The following SAMD12 variants were observed in gnomAD, a reference collection of about 807,000 sequenced individuals.
SAMD12 encodes sterile alpha motif domain-containing protein 12.
SAMD12 carries 9 observed loss-of-function variants against 15.0 expected under a neutral mutation model. That is an observed-to-expected ratio of 0.60 (90% CI 0.36 to 1.05). SAMD12 has a LOEUF of 1.05. SAMD12 is among the 50% of genes least tolerant of loss of function. The pLI, the probability that SAMD12 is intolerant of heterozygous loss-of-function variation, is 0.01. For synonymous variants in SAMD12, 86 were observed against 90.1 expected (o/e 0.96, Z 0.25); for missense variants, 230 against 234.2 (o/e 0.98, Z 0.12).
chr8:118,163,824 G>C, the SAMD12 span, among the ~76,000 whole-genome samples: 5 of 152,090 alleles, frequency 3.3e-5, no homozygotes, highest in Non-Finnish European at 7.3e-5. Flanking sequence ...GCAGTGAGCC[G>C]AGATCGCGCC....
intron 4 of SAMD12, among the ~76,000 whole-genome samples, chr8:118,318,349 T>TTGGGC (rs1816049486): frequency 1.2e-5 from 1 of 85,136 alleles, no homozygotes; most frequent in East Asian, 2.8e-4. Context: ...TATATATATA[T>TTGGGC]ATATATACAT....
chr8:118,410,773 CCTTA>C (rs999794636), intron 3 of SAMD12, among the ~76,000 whole-genome samples: 1 of 152,130 alleles, frequency 6.6e-6, no homozygotes, highest in African/African-American at 2.4e-5. Flanking sequence ...ATCTGAAGTT[CCTTA>C]CTGATAAAAA....
intron 2 of SAMD12, among the ~76,000 whole-genome samples, chr8:118,475,089 A>G (rs879659873): frequency 6.6e-6 from 1 of 152,144 alleles, no homozygotes; most frequent in East Asian, 1.9e-4. Context: ...AATACAAAAA[A>G]TTAGCCGGGC....
In SAMD12 at chr8:118,318,241, A is replaced by C. The variant is rs948853831; in HGVS notation, c.433+61319T>G. ...TATTATATGAAAAAGACACGTGCAC[A>C]CATATGTTTATTGCAGCTCAATTCA... On this transcript the variant is annotated intron_variant, in intron 4 of 4. Coordinates refer to the SAMD12 transcript ENST00000409003. 1.3e-5 allele frequency among the ~76,000 whole-genome samples: 2 copies of C among 150,632 alleles called. 1 individual carries two copies. Among genetic ancestry groups the C allele is most frequent in the South Asian group, 4.2e-4 (2 of 4,778 alleles).
chr8:118,309,590 T>A (rs574386256), intron 4 of SAMD12, among the ~76,000 whole-genome samples: 46 of 152,300 alleles, frequency 3.0e-4, no homozygotes, highest in African/African-American at 1.1e-3. Context: ...AAATGGTAGA[T>A]CTGCTTTTAG....
the SAMD12 span, among the ~76,000 whole-genome samples, chr8:118,132,686 G>A: frequency 6.6e-6 from 1 of 152,176 alleles, no homozygotes; most frequent in Middle Eastern, 3.4e-3. Context: ...AACACCTGCT[G>A]CATCCAACAG....
intron 3 of SAMD12, among the ~76,000 whole-genome samples, chr8:118,432,715 G>C (rs1228544320): frequency 2.0e-5 from 3 of 152,152 alleles, no homozygotes; most frequent in Non-Finnish European, 2.9e-5. Flanking sequence ...AAGGAAAACT[G>C]GAATTATTCA....
At chr8:118,239,157 G>A (rs1812507882) in intron 4 of SAMD12, among the ~76,000 whole-genome samples, 2 of 152,054 alleles carry the variant, frequency 1.3e-5, no homozygotes, top group Non-Finnish European at 2.9e-5. Flanking sequence ...AATGGGAATG[G>A]TATGGTGATG....
chr8:118,269,422 T>C (rs1402937886), intron 4 of SAMD12, among the ~76,000 whole-genome samples: 1 of 152,194 alleles, frequency 6.6e-6, no homozygotes, highest in African/African-American at 2.4e-5. Flanking sequence ...TTGTAACTTA[T>C]ATGTGAAGAA....
At chr8:118,598,342 T>C (rs982690634) in intron 1 of SAMD12, among the ~76,000 whole-genome samples, 3 of 152,208 alleles carry the variant, frequency 2.0e-5, no homozygotes, top group African/African-American at 7.2e-5. Flanking sequence ...TAATCTAATA[T>C]GACTGATGTC....
At chr8:118,382,225 T>A (rs1030368676) in intron 3 of SAMD12, among the ~76,000 whole-genome samples, 13 of 152,196 alleles carry the variant, frequency 8.5e-5, no homozygotes, top group African/African-American at 3.1e-4. Flanking sequence ...TCACCCTCCC[T>A]CCTTTCTGTT....
At chr8:118,183,927 T>C in the SAMD12 span, among the ~76,000 whole-genome samples, 1 of 152,180 alleles carries the variant, frequency 6.6e-6, no homozygotes, top group African/African-American at 2.4e-5. Context: ...ATGCGATATT[T>C]GGTTTTCAAC....
chr8:118,227,300 G>A lies in SAMD12; in HGVS notation c.434-29568C>T, dbSNP rs541637222. Among the ~76,000 whole-genome samples, 8 of 152,264 alleles carry A rather than the reference G, an allele frequency of 5.3e-5. No individual in the cohort carries two copies. In the East Asian group the frequency reaches 1.2e-3, roughly 22 times the overall value. On this transcript the variant is annotated intron_variant, in intron 4 of 4. Transcript: ENST00000409003. ...AAATATCACATCTTCTCACTTATAAGTGTGAGCCAAATGATGAGAACTCGT... is the reference window on the plus strand; with the variant it reads ...AAATATCACATCTTCTCACTTATAAATGTGAGCCAAATGATGAGAACTCGT...
chr8:118,319,947 T>G (rs1445513476), intron 4 of SAMD12, among the ~76,000 whole-genome samples: 1 of 152,160 alleles, frequency 6.6e-6, no homozygotes, highest in Non-Finnish European at 1.5e-5. Flanking sequence ...CATCAGCATA[T>G]TGGTGCACTT....
chr8:118,441,602 A>G (rs1197387924), intron 2 of SAMD12, among the ~76,000 whole-genome samples: 1 of 152,148 alleles, frequency 6.6e-6, no homozygotes, highest in African/African-American at 2.4e-5. Flanking sequence ...AGATGATTTT[A>G]TATATGTCCA....
Position 118,315,796 on chromosome 8 carries a change from C to T in SAMD12, c.433+63764G>A, listed in dbSNP as rs569966723. On this transcript the variant is annotated intron_variant, in intron 4 of 4. Coordinates refer to the SAMD12 transcript ENST00000409003. ...GAAAAACTGCTGCAGGCTGAAGAAG[C>T]GTCCACCACTGTGGGACTGTTAGAA... 5.3e-5 allele frequency among the ~76,000 whole-genome samples: 8 copies of T among 152,156 alleles called. No individual in the cohort carries two copies. The South Asian group carries it at 1.0e-3, about 20-fold the overall frequency.
intron 1 of SAMD12, among the ~76,000 whole-genome samples, chr8:118,585,479 C>G (rs1328786764): frequency 6.6e-6 from 1 of 152,092 alleles, no homozygotes; most frequent in Non-Finnish European, 1.5e-5. Context: ...AAAATAAAAA[C>G]TTAAAAACCC....
At chr8:118,324,659 C>T (rs910803304) in intron 4 of SAMD12, among the ~76,000 whole-genome samples, 2 of 152,188 alleles carry the variant, frequency 1.3e-5, no homozygotes, top group Admixed American at 6.5e-5. Context: ...GGAAGTGAGA[C>T]CTGACATTTG....
At chr8:118,500,325 G>A (rs147074763) in intron 2 of SAMD12, among the ~76,000 whole-genome samples, 3 of 151,372 alleles carry the variant, frequency 2.0e-5, no homozygotes, top group Non-Finnish European at 2.9e-5. Context: ...TAATCCACCC[G>A]CCTTGGCCTC....
Sources: gnomAD v4.1 joint callset for allele counts (sites outside exome capture counted in the v4.1 genomes callset) on GRCh38, gnomAD v4.1.1 for gene constraint, MANE v1.5 for transcripts, NCBI Gene and HGNC (gene_info 2026-07-23, HGNC 2026-07-21) for gene names.